DKK2: variants seen among roughly 807,000 people sequenced by gnomAD.
DKK2 encodes the protein dickkopf Wnt signaling pathway inhibitor 2, also known as dickkopf-related protein 2.
In DKK2, 11 loss-of-function variants were observed where a neutral mutation model predicts 28.1. The ratio of observed to expected loss-of-function variants is 0.39; its 90% CI spans 0.25 to 0.65. The LOEUF (loss-of-function observed/expected upper bound fraction) is 0.65, where lower values mean the gene tolerates loss of function less well. DKK2 is among the 30% of genes least tolerant of loss of function. DKK2 has a pLI of 0.47. For missense variants in DKK2, 326 were observed against 335.5 expected, an observed-to-expected ratio of 0.97 and a Z score of 0.22; for synonymous variants, 135 against 126.5, an observed-to-expected ratio of 1.07 and a Z score of -0.45.
intron 1 of DKK2, among the ~76,000 whole-genome samples, chr4:106,937,155 A>C (rs1430716748): frequency 6.7e-6 from 1 of 150,326 alleles, no homozygotes; most frequent in Non-Finnish European, 1.5e-5. Flanking sequence ...TGCTCCAATT[A>C]AAAGACACAG....
At chr4:107,033,895 C>T (rs1723918103) in intron 1 of DKK2, among the ~76,000 whole-genome samples, 1 of 152,096 alleles carries the variant, frequency 6.6e-6, no homozygotes, top group African/African-American at 2.4e-5. Flanking sequence ...GGAAAGTGGT[C>T]ACATAAGCGC....
rs967464066 is a variant in DKK2 at position 106,940,973 on chromosome 4, G to C, written c.223-15024C>G. On this transcript the variant is annotated intron_variant, in intron 1 of 3. Transcript: ENST00000285311. ...GGGACTGTTGTGTGGTGGGGTGAGGGGGGAGGGATAGCATTGGGAGATACA... is the reference window on the plus strand; with the variant it reads ...GGGACTGTTGTGTGGTGGGGTGAGGCGGGAGGGATAGCATTGGGAGATACA... 2.0e-5 allele frequency among the ~76,000 whole-genome samples: 3 copies of C among 152,144 alleles called. No homozygotes were observed. In the South Asian group the frequency reaches 6.2e-4, roughly 32 times the overall value.
At chr4:106,983,384 G>T (rs1343535665) in intron 1 of DKK2, among the ~76,000 whole-genome samples, 3 of 149,550 alleles carry the variant, frequency 2.0e-5, no homozygotes, top group Admixed American at 2.0e-4. Flanking sequence ...AGAAAAGAAA[G>T]AAAAGAAAAA....
At position 107,002,416 on chromosome 4, in the gene DKK2, G is replaced by A. The variant is rs1045920467; in HGVS notation, c.222+32954C>T. ...TTTCCAAATGAAAGACTTCTTCACC[G>A]AAAAAATTTATTTTTACAAAGATAT... On this transcript the variant is annotated intron_variant, in intron 1 of 3. Transcript: ENST00000285311. 1.4e-4 allele frequency among the ~76,000 whole-genome samples: 21 copies of A among 152,202 alleles called. 1 individual carries two copies. The highest frequency in any genetic ancestry group is 5.9e-4 in the Admixed American group (9 of 15,282).
intron 1 of DKK2, among the ~76,000 whole-genome samples, chr4:106,932,956 G>A (rs911591273): frequency 3.3e-5 from 5 of 152,112 alleles, no homozygotes; most frequent in African/African-American, 1.2e-4. Context: ...GTGACCGTTA[G>A]CTAAATTACT....
intron 1 of DKK2, among the ~76,000 whole-genome samples, chr4:107,010,926 T>C (rs1306544882): frequency 1.3e-5 from 2 of 151,376 alleles, no homozygotes; most frequent in Non-Finnish European, 3.0e-5. Flanking sequence ...AGAATGAAAG[T>C]AGAGCGAAGC....
intron 1 of DKK2, among the ~76,000 whole-genome samples, chr4:106,927,058 T>G (rs1324918991): frequency 6.6e-6 from 1 of 152,162 alleles, no homozygotes; most frequent in Non-Finnish European, 1.5e-5. Flanking sequence ...ATAGATGATT[T>G]TTTAATTGAA....
intron 1 of DKK2, 55 bp downstream of exon 1, chr4:107,035,315 A>G: frequency 1.3e-6 from 2 of 1,591,568 alleles, no homozygotes; most frequent in Middle Eastern, 1.7e-4. Context: ...CGCTAGCCCA[A>G]GAGAGCTGGC....
At chr4:107,031,880 A>C (rs1175211080) in intron 1 of DKK2, among the ~76,000 whole-genome samples, 1 of 151,964 alleles carries the variant, frequency 6.6e-6, no homozygotes, top group Non-Finnish European at 1.5e-5. Flanking sequence ...ATAAAAGTCA[A>C]CACCTCAAAC....
chr4:106,935,336 G>C (rs1444644142), intron 1 of DKK2, among the ~76,000 whole-genome samples: 1 of 152,208 alleles, frequency 6.6e-6, no homozygotes, highest in African/African-American at 2.4e-5. Context: ...CCCTTTCCGA[G>C]TCAAAGAAAG....
chr4:106,932,936 G>A (rs1724524067), intron 1 of DKK2, among the ~76,000 whole-genome samples: 1 of 152,120 alleles, frequency 6.6e-6, no homozygotes, highest in African/African-American at 2.4e-5. Flanking sequence ...AAACAAAATT[G>A]ATTGGTTGAG....
At chr4:107,004,332 T>C (rs1029769697) in intron 1 of DKK2, among the ~76,000 whole-genome samples, 2 of 152,174 alleles carry the variant, frequency 1.3e-5, no homozygotes, top group Non-Finnish European at 2.9e-5. Flanking sequence ...TCTATTCCAG[T>C]ACAGAAGAAA....
At chr4:106,960,114 T>TTATATATATA (rs3082967) in intron 1 of DKK2, among the ~76,000 whole-genome samples, 7 of 146,440 alleles carry the variant, frequency 4.8e-5, no homozygotes, top group African/African-American at 1.3e-4. Flanking sequence ...AGAAAAAATG[T>TTATATATATA]TATATATATA....
intron 1 of DKK2, among the ~76,000 whole-genome samples, chr4:107,010,068 T>C (rs1332615097): frequency 6.6e-6 from 1 of 151,818 alleles, no homozygotes; most frequent in African/African-American, 2.4e-5. Flanking sequence ...AGCTGTTTTT[T>C]ACACTTAAAA....
chr4:106,956,355 C>T (rs557593098), intron 1 of DKK2, among the ~76,000 whole-genome samples: 72 of 152,162 alleles, frequency 4.7e-4, no homozygotes, highest in African/African-American at 1.7e-3. Flanking sequence ...CAATGCCATC[C>T]CCATCAAGCT....
intron 1 of DKK2, among the ~76,000 whole-genome samples, chr4:106,935,637 T>C (rs28800888): frequency 0.062 from 9,433 of 152,316 alleles, 322 homozygotes; most frequent in Non-Finnish European, 0.074. Context: ...GCCTGCCTGC[T>C]TCTGTAGGCT....
intron 1 of DKK2, among the ~76,000 whole-genome samples, chr4:107,002,196 T>C (rs991733404): frequency 6.6e-6 from 1 of 152,258 alleles, no homozygotes; most frequent in African/African-American, 2.4e-5. Context: ...CGTTCTGAAC[T>C]AACTGCAAGA....
chr4:106,993,499 A>G (rs1359421402), intron 1 of DKK2, among the ~76,000 whole-genome samples: 1 of 152,172 alleles, frequency 6.6e-6, no homozygotes, highest in African/African-American at 2.4e-5. Flanking sequence ...TTTAGTAAAT[A>G]CGTTGGCTAC....
chr4:106,933,570 A>G (rs1297686493), intron 1 of DKK2, among the ~76,000 whole-genome samples: 1 of 152,224 alleles, frequency 6.6e-6, no homozygotes, highest in African/African-American at 2.4e-5. Flanking sequence ...CTCAAGTGGT[A>G]TACACCTATG....
Sources: allele counts gnomAD v4.1 joint callset (sites outside exome capture counted in the v4.1 genomes callset), GRCh38; gene constraint gnomAD v4.1.1; transcripts MANE v1.5; gene names NCBI Gene and HGNC (gene_info 2026-07-23, HGNC 2026-07-21).